Variants in FHAD1 observed in about 807,000 individuals in gnomAD.
FHAD1 encodes forkhead-associated domain-containing protein 1.
A neutral mutation model predicts 191.3 loss-of-function variants in FHAD1; 146 were observed. That is an observed-to-expected ratio of 0.76 (90% CI 0.67 to 0.88). The LOEUF is 0.88. Ranked by LOEUF, FHAD1 falls within the 40% of genes least tolerant of loss-of-function variation. The probability of loss-of-function intolerance (pLI) is 0.00; values close to 1 mark genes in which losing one functional copy is unlikely to be tolerated. For synonymous variants in FHAD1, 616 were observed against 672.3 expected (o/e 0.92, Z 1.29); for missense variants, 1,635 against 1,785.8 (o/e 0.92, Z 1.52).
chr1:15,285,752 C>G (rs116613828), intron 3 of FHAD1, among the ~76,000 whole-genome samples: 1 of 152,184 alleles, frequency 6.6e-6, no homozygotes, highest in East Asian at 1.9e-4. Flanking sequence ...AAACCAGCTT[C>G]TCTGTTTGTT....
intron 2 of FHAD1, among the ~76,000 whole-genome samples, chr1:15,263,049 T>C (rs550637161): frequency 6.6e-6 from 1 of 152,352 alleles, no homozygotes; most frequent in South Asian, 2.1e-4. Context: ...TTCTTAATGA[T>C]TTGTGATCTT....
intron 7 of FHAD1, among the ~76,000 whole-genome samples, chr1:15,309,740 C>T (rs1453266158): frequency 6.6e-6 from 1 of 151,936 alleles, no homozygotes; most frequent in Non-Finnish European, 1.5e-5. Flanking sequence ...GCCCAAGACC[C>T]TTCTTCTTCT....
intron 20 of FHAD1, among the ~76,000 whole-genome samples, chr1:15,355,184 G>A (rs2102538419): frequency 6.6e-6 from 1 of 151,620 alleles, no homozygotes; most frequent in Non-Finnish European, 1.5e-5. Context: ...ACTCCAGCCT[G>A]GGCAATAGAG....
At chr1:15,310,382 T>C (rs1202166566) in intron 7 of FHAD1, among the ~76,000 whole-genome samples, 1 of 152,190 alleles carries the variant, frequency 6.6e-6, no homozygotes, top group Non-Finnish European at 1.5e-5. Context: ...TTGTGAGCCC[T>C]ATGGGCAGGG....
At position 15,317,853 on chromosome 1, in the gene FHAD1, G is replaced by T; in HGVS notation, c.1290G>T (p.Lys430Asn). The change falls in exon 10 of 34, where the codon AAG (lysine) becomes AAT (asparagine). Residue 430 changes from lysine (K) to asparagine (N), a missense_variant. Coordinates refer to ENST00000688493, the MANE Select transcript of FHAD1 (RefSeq NM_001391957.1). ...TQIQDMEKEM[K>N]KLRAELRKSC... is the part of the protein sequence containing the mutation. ...TCCAAGACATGGAGAAAGAAATGAA[G>T]AAGCTTAGGGCAGAGCTGAGGAAGA... 6.4e-7 allele frequency: 1 copy of T among 1,551,716 alleles called. No individual in the cohort carries two copies. Among genetic ancestry groups the T allele is most frequent in the Non-Finnish European group, 8.7e-7 (1 of 1,146,974 alleles).
chr1:15,280,110 G>A (rs1187712606), intron 3 of FHAD1, among the ~76,000 whole-genome samples: 2 of 152,188 alleles, frequency 1.3e-5, no homozygotes, highest in African/African-American at 2.4e-5. Flanking sequence ...CCATCCCAGG[G>A]AAGGTGGCAG....
At chr1:15,347,889 G>T (rs540812917) in intron 18 of FHAD1, among the ~76,000 whole-genome samples, 1 of 152,218 alleles carries the variant, frequency 6.6e-6, no homozygotes, top group East Asian at 1.9e-4. Flanking sequence ...CACAGCAACT[G>T]AGCATGTAGG....
intron 3 of FHAD1, among the ~76,000 whole-genome samples, chr1:15,284,859 C>G (rs1661869145): frequency 6.6e-6 from 1 of 150,744 alleles, no homozygotes; most frequent in Non-Finnish European, 1.5e-5. Flanking sequence ...CATGCGGCCT[C>G]AAAAATAAAC....
At chr1:15,294,890 G>T (rs114645337) in intron 4 of FHAD1, among the ~76,000 whole-genome samples, 166 of 152,204 alleles carry the variant, frequency 1.1e-3, no homozygotes, top group African/African-American at 3.7e-3. Context: ...AGGCAGTAAG[G>T]CCGCAGCTCT....
At chr1:15,244,921 A>C (rs1318717563), upstream of FHAD1, among the ~76,000 whole-genome samples, 1 of 152,234 alleles carries the variant, frequency 6.6e-6, no homozygotes, top group Non-Finnish European at 1.5e-5. This position sits in a 1 kb window ranked among gnomAD's most constrained non-coding sequence, Gnocchi z 5.1. Flanking sequence ...TGCAGGTTGT[A>C]CAAGAAGCAT....
Position 15,316,436 on chromosome 1 carries a change from C to T in FHAD1, c.1229C>T (p.Ala410Val). The change falls in exon 9 of 34, where the codon GCC (alanine) becomes GTC (valine). Residue 410 changes from alanine to valine, a missense_variant. Ala to Val is a moderately conservative substitution (Grantham distance 64, BLOSUM62 0). Transcript: ENST00000688493. The surrounding 1 kb of genome is among the most constrained non-coding windows in gnomAD (Gnocchi z 4.3). ...QEDAHRELRE[A>V]QEKELKLCKT... ...GATGCTCACAGGGAGCTCAGGGAAG[C>T]CCAGGAGAAAGAGTTAAAACTCTGC... is the stretch of plus-strand genomic sequence containing the variant. The T allele has an allele frequency of 6.4e-7, 1 of 1,551,644 alleles. No individual in the cohort carries two copies. Among genetic ancestry groups the T allele is most frequent in the East Asian group, 2.4e-5 (1 of 40,902 alleles).
In FHAD1 at chr1:15,339,463, T is replaced by C. The variant is rs1423210112; in HGVS notation, c.1907-18T>C. ...GTTGAATTGATACTTACATTCTTCC[T>C]GCTTCTCTTTTTTTAAGGGTTCTCT... is the stretch of plus-strand genomic sequence containing the variant. On this transcript the variant is annotated intron_variant, in intron 14 of 33. Coordinates refer to ENST00000688493, the MANE Select transcript of FHAD1 (RefSeq NM_001391957.1). 5.9e-6 allele frequency: 7 copies of C among 1,185,070 alleles called. No homozygotes were observed. Among genetic ancestry groups the C allele is most frequent in the Non-Finnish European group, 7.8e-6 (7 of 898,862 alleles). 73.4% of individuals were successfully genotyped at this position (1,185,070 alleles called of 1,614,324 possible).
At chr1:15,324,203 G>A (rs1406488484) in intron 10 of FHAD1, among the ~76,000 whole-genome samples, 5 of 152,124 alleles carry the variant, frequency 3.3e-5, no homozygotes, top group Admixed American at 6.5e-5. Flanking sequence ...GCTAGGGACC[G>A]GGCTGGGATT....
chr1:15,387,737 T>G (rs1483324777), intron 31 of FHAD1, among the ~76,000 whole-genome samples: 2 of 151,908 alleles, frequency 1.3e-5, no homozygotes, highest in Non-Finnish European at 2.9e-5. Context: ...TTAAAAAAAT[T>G]AGCTGGGTGT....
chr1:15,385,040 G>A (rs1701790271), intron 31 of FHAD1, among the ~76,000 whole-genome samples: 1 of 152,022 alleles, frequency 6.6e-6, no homozygotes, highest in Non-Finnish European at 1.5e-5. Context: ...TTTCTCTCGG[G>A]GTTCATCCCC....
chr1:15,250,629 G>T (rs188091480), intron 1 of FHAD1, among the ~76,000 whole-genome samples: 4 of 152,100 alleles, frequency 2.6e-5, no homozygotes, highest in Non-Finnish European at 5.9e-5. Flanking sequence ...GAAATACAGC[G>T]ATTTAAAAAG....
intron 33 of FHAD1, 29 bp downstream of exon 33, chr1:15,391,292 CTCT>C (rs1467839380): frequency 7.9e-7 from 1 of 1,269,754 alleles, no homozygotes; most frequent in South Asian, 1.3e-5. Context: ...CTTTAGAATT[CTCT>C]TTTTTTGTTG....
intron 6 of FHAD1, among the ~76,000 whole-genome samples, chr1:15,304,850 C>A (rs1042434669): frequency 3.3e-5 from 5 of 152,152 alleles, no homozygotes; most frequent in African/African-American, 1.2e-4. Flanking sequence ...TCTGTTAATT[C>A]TACCACCGAG....
chr1:15,252,025 C>G lies in FHAD1; in HGVS notation c.93+148C>G, dbSNP rs559176512. On this transcript the variant is annotated intron_variant, in intron 2 of 33. Coordinates refer to ENST00000688493, the MANE Select transcript of FHAD1 (RefSeq NM_001391957.1). ...CCTTTCCTTGGTGTGCTACCAATAG[C>G]CAGTTGCCAAGGGTACCCCATTTCC... 6 of 691,998 alleles carry G rather than the reference C, an allele frequency of 8.7e-6. No individual in the cohort carries two copies. The African/African-American group carries it at 9.0e-5, about 10-fold the overall frequency. The allele number at this position is 691,998 out of a possible 1,614,324, so 42.9% of individuals were successfully genotyped here. A position where few individuals can be genotyped will look rare whatever the true frequency, so the allele number is the denominator to read the frequency against.
Sources: gnomAD v4.1 joint callset for allele counts (sites outside exome capture counted in the v4.1 genomes callset) on GRCh38, gnomAD v4.1.1 for gene constraint, Gnocchi (gnomAD v3.1) non-coding constraint, MANE v1.5 for transcripts, NCBI Gene and HGNC (gene_info 2026-07-23, HGNC 2026-07-21) for gene names.